The following STK39 variants were observed in gnomAD, a reference collection of about 807,000 sequenced individuals.
STK39 encodes serine/threonine kinase 39.
STK39 carries 20 observed loss-of-function variants against 77.8 expected under a neutral mutation model. That is an observed-to-expected ratio of 0.26 (90% confidence interval 0.18 to 0.37). STK39 has a LOEUF of 0.37. Ranked by LOEUF, STK39 falls within the 10% of genes least tolerant of loss-of-function variation. The pLI is 1.00. For synonymous variants in STK39, 246 were observed against 234.1 expected (o/e 1.05, Z -0.47); for missense variants, 479 against 656.5 (o/e 0.73, Z 2.95).
At chr2:167,995,330 G>A (rs1001892998) in intron 16 of STK39, among the ~76,000 whole-genome samples, 6 of 151,976 alleles carry the variant, frequency 3.9e-5, no homozygotes, top group South Asian at 2.1e-4. Context: ...GGATGGTCTC[G>A]ATCTCTTGAC....
chr2:168,243,000 A>T (rs1164136925), intron 1 of STK39, among the ~76,000 whole-genome samples: 2 of 152,218 alleles, frequency 1.3e-5, no homozygotes, highest in Admixed American at 6.5e-5. Context: ...CTTGAGACAA[A>T]GCATTTCAGA....
rs1389750067 is a variant in STK39 at position 167,982,377 on chromosome 2, G to C, written c.1499-17651C>G. On this transcript the variant is annotated intron_variant, in intron 16 of 17. Transcript: ENST00000355999. Reference sequence around the variant, plus strand: ...TTTTCCACCCATCTTGGAGGCTACAGTTATAGCACTGACCCCTCCAAAAAC... The same window carrying C: ...TTTTCCACCCATCTTGGAGGCTACACTTATAGCACTGACCCCTCCAAAAAC... 2.0e-5 allele frequency among the ~76,000 whole-genome samples: 3 copies of C among 152,142 alleles called. No homozygotes were observed. The East Asian group carries it at 5.8e-4, about 29-fold the overall frequency.
intron 16 of STK39, among the ~76,000 whole-genome samples, chr2:167,986,591 C>A (rs928154214): frequency 1.3e-5 from 2 of 151,982 alleles, no homozygotes; most frequent in Non-Finnish European, 2.9e-5. Flanking sequence ...TACCTGAGCA[C>A]CAGAAATGGA....
chr2:168,144,896 G>A (rs995492196), intron 5 of STK39, among the ~76,000 whole-genome samples: 1 of 151,430 alleles, frequency 6.6e-6, no homozygotes, highest in Admixed American at 6.6e-5. Flanking sequence ...TGGGAGAATC[G>A]CTTGAGCCCA....
chr2:168,118,795 G>A (rs6751710), intron 10 of STK39, among the ~76,000 whole-genome samples: 55,644 of 151,894 alleles, frequency 0.37, 11,102 homozygotes, highest in South Asian at 0.47. Flanking sequence ...TTTACAGACT[G>A]GTAAGCAATT....
At chr2:168,129,475 T>G (rs1687624844) in intron 10 of STK39, 66 bp downstream of exon 10, 5 of 1,583,848 alleles carry the variant, frequency 3.2e-6, no homozygotes, top group African/African-American at 1.4e-5. Flanking sequence ...TTTTTCCAAT[T>G]TTTCTATGGG....
At chr2:168,197,038 T>C (rs537613745) in intron 1 of STK39, among the ~76,000 whole-genome samples, 17 of 152,266 alleles carry the variant, frequency 1.1e-4, no homozygotes, top group Non-Finnish European at 2.2e-4. Context: ...GCTTACATTG[T>C]ACAAAGGTCA....
intron 17 of STK39, among the ~76,000 whole-genome samples, chr2:167,956,684 ACACACACACACACTCTCT>A (rs1354454252): frequency 9.1e-5 from 4 of 43,856 alleles, no homozygotes; most frequent in Admixed American, 6.6e-4. Flanking sequence ...ACACACACAC[ACACACACACACACTCTCT>A]CTCTCTCTCT....
intron 1 of STK39, among the ~76,000 whole-genome samples, chr2:168,229,344 C>T (rs1290747589): frequency 6.7e-6 from 1 of 148,808 alleles, no homozygotes; most frequent in Non-Finnish European, 1.5e-5. Context: ...GACATTGCAC[C>T]ATTGCATTCC....
At chr2:168,157,804 C>T (rs1487759253) in intron 5 of STK39, among the ~76,000 whole-genome samples, 1 of 151,736 alleles carries the variant, frequency 6.6e-6, no homozygotes, top group Non-Finnish European at 1.5e-5. Context: ...AAAAGGCAAA[C>T]GTAAGTGAAA....
intron 2 of STK39, among the ~76,000 whole-genome samples, chr2:168,180,833 GTTCTC>G (rs1196038676): frequency 2.0e-5 from 3 of 152,158 alleles, no homozygotes; most frequent in Non-Finnish European, 4.4e-5. Flanking sequence ...GGAAGCCCTG[GTTCTC>G]TTCTGAGTTT....
intron 10 of STK39, among the ~76,000 whole-genome samples, chr2:168,127,713 AT>A (rs1430125421): frequency 6.6e-6 from 1 of 152,136 alleles, no homozygotes; most frequent in Non-Finnish European, 1.5e-5. Flanking sequence ...TTTTTGTTTA[AT>A]TTTGGAAACC....
At chr2:168,088,038 G>A (rs893990707) in intron 10 of STK39, among the ~76,000 whole-genome samples, 2 of 146,808 alleles carry the variant, frequency 1.4e-5, no homozygotes, top group Non-Finnish European at 3.0e-5. Flanking sequence ...CAAGAACTAC[G>A]TCTGCTTAGG....
intron 14 of STK39, among the ~76,000 whole-genome samples, chr2:168,025,646 T>C (rs1037802412): frequency 3.9e-5 from 6 of 152,218 alleles, no homozygotes; most frequent in African/African-American, 1.4e-4. Context: ...ATTCAGGGAA[T>C]AGTCCTTGGC....
chr2:168,019,942 T>A (rs1485058012), intron 14 of STK39, among the ~76,000 whole-genome samples: 1 of 152,100 alleles, frequency 6.6e-6, no homozygotes, highest in Admixed American at 6.5e-5. Context: ...TGACCTCAAG[T>A]GATCAGCCTG....
At chr2:168,032,319 C>T (rs1484827714) in intron 14 of STK39, among the ~76,000 whole-genome samples, 1 of 152,166 alleles carries the variant, frequency 6.6e-6, no homozygotes, top group African/African-American at 2.4e-5. Flanking sequence ...AGAGCCATAA[C>T]TCACATTTGG....
chr2:168,047,328 T>C (rs187337885), intron 14 of STK39, among the ~76,000 whole-genome samples: 2 of 152,230 alleles, frequency 1.3e-5, no homozygotes, highest in African/African-American at 4.8e-5. Context: ...GCTGTGGTAA[T>C]ACACATTCAT....
chr2:168,174,982 G>A (rs879882700), intron 2 of STK39, among the ~76,000 whole-genome samples: 3 of 152,072 alleles, frequency 2.0e-5, no homozygotes, highest in African/African-American at 4.8e-5. Context: ...TGACAATGTA[G>A]GGTGTAATGT....
chr2:168,077,233 T>C (rs1686104199), intron 10 of STK39, among the ~76,000 whole-genome samples: 1 of 152,124 alleles, frequency 6.6e-6, no homozygotes, highest in South Asian at 2.1e-4. Context: ...ACCCAAGAGA[T>C]TACACTAAGG....
Sources: gnomAD v4.1 joint callset for allele counts (sites outside exome capture counted in the v4.1 genomes callset) on GRCh38, gnomAD v4.1.1 for gene constraint, MANE v1.5 for transcripts, NCBI Gene and HGNC (gene_info 2026-07-23, HGNC 2026-07-21) for gene names.